The following CNTNAP5 variants were observed in gnomAD, a reference collection of about 807,000 sequenced individuals.
CNTNAP5 encodes the protein contactin-associated protein-like 5.
A neutral mutation model predicts 150.2 loss-of-function variants in CNTNAP5; 72 were observed. The ratio of observed to expected loss-of-function variants is 0.48; its 90% CI spans 0.40 to 0.58. The LOEUF (loss-of-function observed/expected upper bound fraction) is 0.58. Ranked by LOEUF, CNTNAP5 falls within the 20% of genes least tolerant of loss-of-function variation. The pLI is 0.00. For synonymous variants in CNTNAP5, 672 were observed against 619.8 expected (o/e 1.08, Z -1.25); for missense variants, 1,636 against 1,626.2 (o/e 1.01, Z -0.10).
chr2:124,180,213 C>A (rs532052634), intron 1 of CNTNAP5, among the ~76,000 whole-genome samples: 89 of 152,264 alleles, frequency 5.8e-4, no homozygotes, highest in Middle Eastern at 3.4e-3. Flanking sequence ...TGACTTCCAT[C>A]ACAGAAAATC....
At chr2:124,294,281 T>A (rs1325272765) in intron 3 of CNTNAP5, among the ~76,000 whole-genome samples, 1 of 137,540 alleles carries the variant, frequency 7.3e-6, no homozygotes, top group Non-Finnish European at 1.6e-5. Flanking sequence ...AACAGATAAA[T>A]GCAATAGCAA....
intron 1 of CNTNAP5, among the ~76,000 whole-genome samples, chr2:124,060,379 G>T (rs958499822): frequency 1.3e-5 from 2 of 152,226 alleles, no homozygotes; most frequent in Admixed American, 1.3e-4. Context: ...GGTAAAAACA[G>T]ATTGGGGGAC....
intron 3 of CNTNAP5, among the ~76,000 whole-genome samples, chr2:124,265,731 C>T (rs751991477): frequency 2.6e-5 from 4 of 151,854 alleles, no homozygotes; most frequent in Non-Finnish European, 4.4e-5. Flanking sequence ...TCTAGGTGAC[C>T]GAGGGCCGGC....
intron 13 of CNTNAP5, among the ~76,000 whole-genome samples, chr2:124,712,415 C>G (rs1460927918): frequency 1.3e-5 from 2 of 152,178 alleles, no homozygotes; most frequent in African/African-American, 2.4e-5. Flanking sequence ...GGTAACACAG[C>G]TGCCAGGACT....
chr2:124,713,318 C>CCTTCCTTCCTTTCTTTCTTT (rs1402534251), intron 13 of CNTNAP5, among the ~76,000 whole-genome samples: 1 of 43,926 alleles, frequency 2.3e-5, no homozygotes, highest in Non-Finnish European at 4.6e-5. Context: ...CTCTTTCTTT[C>CCTTCCTTCCTTTCTTTCTTT]CTTTCTTTCT....
intron 1 of CNTNAP5, among the ~76,000 whole-genome samples, chr2:124,198,925 C>T (rs6737083): frequency 0.18 from 27,388 of 150,670 alleles, 2,674 homozygotes; most frequent in Non-Finnish European, 0.22. Context: ...AAAAACCTTG[C>T]AGGACCAAGT....
At position 124,896,555 on chromosome 2, in the gene CNTNAP5, T is replaced by C. The variant is rs778317462; in HGVS notation, c.3437-6327T>C. ...GGAAGTTCTTTTTTTTTTGGTTTCT[T>C]TTGAGACAATTTTGCTCTTGTCACC... On this transcript the variant is annotated intron_variant, in intron 21 of 23. Coordinates refer to ENST00000682447, the MANE Select transcript of CNTNAP5 (RefSeq NM_001367498.1). 2.6e-5 allele frequency among the ~76,000 whole-genome samples: 4 copies of C among 151,306 alleles called. No homozygotes were observed. In the South Asian group the frequency reaches 6.2e-4, roughly 24 times the overall value.
At chr2:124,573,957 T>G (rs891628247) in intron 11 of CNTNAP5, among the ~76,000 whole-genome samples, 3 of 152,242 alleles carry the variant, frequency 2.0e-5, no homozygotes, top group Non-Finnish European at 2.9e-5. Flanking sequence ...CCAGGTTAAA[T>G]GGTATCTATT....
At chr2:124,582,078 A>G (rs998554800) in intron 11 of CNTNAP5, among the ~76,000 whole-genome samples, 5 of 152,192 alleles carry the variant, frequency 3.3e-5, no homozygotes, top group Non-Finnish European at 7.3e-5. Context: ...AATCCAAGTG[A>G]TCTGGAAAGA....
intron 3 of CNTNAP5, among the ~76,000 whole-genome samples, chr2:124,345,842 A>G (rs1689725386): frequency 6.6e-6 from 1 of 152,002 alleles, no homozygotes; most frequent in Admixed American, 6.6e-5. Context: ...TCTTGCTTAC[A>G]TTTACCCAAA....
intron 3 of CNTNAP5, among the ~76,000 whole-genome samples, chr2:124,327,426 C>T (rs1689247040): frequency 6.6e-6 from 1 of 152,164 alleles, no homozygotes. Flanking sequence ...CCAAGGTCAA[C>T]CTGAAAAACT....
In CNTNAP5 at chr2:124,789,954, C is replaced by T. The variant is rs1681687381; in HGVS notation, c.2805C>T (p.His935=). ...TCCTAGGATGCATTCGCTCCTTACA[C>T]TTGAATGGACAGAAAATGGACCTGG... ...KGFLGCIRSL[H]LNGQKMDLEE... Residue 935 remains histidine, a synonymous_variant, in exon 18 of 24, where the codon CAC becomes CAT. Coordinates refer to ENST00000682447, the MANE Select transcript of CNTNAP5 (RefSeq NM_001367498.1). 3 of 1,613,798 alleles carry T rather than the reference C, an allele frequency of 1.9e-6. No homozygotes were observed. The highest frequency in any genetic ancestry group is 1.1e-5 in the South Asian group (1 of 91,088).
intron 21 of CNTNAP5, among the ~76,000 whole-genome samples, chr2:124,872,479 T>G (rs1358025411): frequency 1.3e-5 from 2 of 149,990 alleles, no homozygotes; most frequent in Non-Finnish European, 3.0e-5. Flanking sequence ...GGATCAAAAA[T>G]TAAGACACTC....
chr2:124,664,459 A>G (rs1295936072), intron 13 of CNTNAP5, among the ~76,000 whole-genome samples: 1 of 152,160 alleles, frequency 6.6e-6, no homozygotes, highest in Non-Finnish European at 1.5e-5. Flanking sequence ...AGTAGGCCAG[A>G]TATGTTTCAT....
chr2:124,122,673 G>T (rs1272408799), intron 1 of CNTNAP5, among the ~76,000 whole-genome samples: 1 of 152,100 alleles, frequency 6.6e-6, no homozygotes, highest in Admixed American at 6.6e-5. Flanking sequence ...GATGCTTATT[G>T]TGTGCCAGAT....
intron 11 of CNTNAP5, among the ~76,000 whole-genome samples, chr2:124,563,935 G>T (rs1042272463): frequency 6.6e-6 from 1 of 152,182 alleles, no homozygotes; most frequent in Admixed American, 6.5e-5. Context: ...ATAAAGCCAC[G>T]TGGGCACACC....
intron 11 of CNTNAP5, among the ~76,000 whole-genome samples, chr2:124,589,230 A>T (rs1696623683): frequency 6.6e-6 from 1 of 151,984 alleles, no homozygotes; most frequent in Admixed American, 6.6e-5. Flanking sequence ...TCACTAATGT[A>T]CTTTCTGTCT....
chr2:124,321,939 C>G (rs1188451534), intron 3 of CNTNAP5, among the ~76,000 whole-genome samples: 2 of 152,082 alleles, frequency 1.3e-5, no homozygotes, highest in Middle Eastern at 3.2e-3. Context: ...CACCTGAGGT[C>G]AGGAGTTCGA....
rs1439133 is a variant in CNTNAP5, at chr2:124,115,948, G to A, written c.82+90216G>A. On this transcript the variant is annotated intron_variant, in intron 1 of 23. Coordinates refer to ENST00000682447, the MANE Select transcript of CNTNAP5 (RefSeq NM_001367498.1). ...ATCAGCCACCATGCTTATTTTAAGA[G>A]TCCTGAGACCAAACTGTGCTGGTTG... is the stretch of plus-strand genomic sequence containing the variant. Among the ~76,000 whole-genome samples, 598 of 152,114 alleles carry A rather than the reference G, an allele frequency of 3.9e-3. 6 individuals carry two copies. Among genetic ancestry groups the A allele is most frequent in the African/African-American group, 0.014 (583 of 41,480 alleles).
Sources: allele counts gnomAD v4.1 joint callset (sites outside exome capture counted in the v4.1 genomes callset), GRCh38; gene constraint gnomAD v4.1.1; transcripts MANE v1.5; gene names NCBI Gene and HGNC (gene_info 2026-07-23, HGNC 2026-07-21).